The following HHAT variants were observed in gnomAD, a reference collection of about 807,000 sequenced individuals.
HHAT encodes the protein protein-cysteine N-palmitoyltransferase HHAT.
A neutral mutation model predicts 70.8 loss-of-function variants in HHAT; 47 were observed. The ratio of observed to expected loss-of-function variants is 0.66; its 90% confidence interval spans 0.53 to 0.85. HHAT has a LOEUF of 0.85. HHAT is among the 40% of genes least tolerant of loss of function. HHAT has a pLI of 0.00. For missense variants in HHAT, 609 were observed against 604.8 expected (o/e 1.01, Z -0.07); for synonymous variants, 228 against 247.6 (o/e 0.92, Z 0.74).
At chr1:210,637,679 T>G (rs6677607) in intron 11 of HHAT, among the ~76,000 whole-genome samples, 39,910 of 151,800 alleles carry the variant, frequency 0.26, 5,374 homozygotes, top group Admixed American at 0.3. Context: ...GGCCAACATG[T>G]TGAAACCCCG....
chr1:210,409,095 G>T (rs1188135751), intron 6 of HHAT, among the ~76,000 whole-genome samples: 2 of 152,006 alleles, frequency 1.3e-5, no homozygotes, highest in African/African-American at 2.4e-5. Flanking sequence ...CAAACTCCTG[G>T]CCTCAAGTGA....
At chr1:210,657,803 T>G (rs925600999) in intron 11 of HHAT, among the ~76,000 whole-genome samples, 5 of 152,130 alleles carry the variant, frequency 3.3e-5, no homozygotes, top group African/African-American at 1.2e-4. Context: ...TCCAGGTGTT[T>G]AGGGCCAGTG....
upstream of HHAT, chr1:210,328,115 A>C (rs2084691062): frequency 6.6e-6 from 1 of 152,136 alleles, no homozygotes; most frequent in South Asian, 2.1e-4. Context: ...CCTTCACCTT[A>C]TCATAGAACC....
rs1041037884 is a variant in HHAT, at chr1:210,588,209, A to G, written c.1245+110A>G. ...GCCCCCACTATGGGCCCTTTCTACT[A>G]GGTTGGTTCAAAGTCCATATGCCTA... On this transcript the variant is annotated intron_variant, in intron 10 of 11. Transcript: ENST00000261458. 18 of 952,982 alleles carry G rather than the reference A, an allele frequency of 1.9e-5. 1 individual carries two copies. The highest frequency in any genetic ancestry group is 4.9e-5 in the African/African-American group (3 of 61,164). The allele number at this position is 952,982 out of a possible 1,614,324, so 59.0% of individuals were successfully genotyped here.
Position 210,329,571 on chromosome 1 carries a change from G to C in HHAT, c.-44+467G>C, listed in dbSNP as rs902460464. 4.0e-6 allele frequency: 3 copies of C among 752,976 alleles called. No individual in the cohort carries two copies. In the African/African-American group the frequency reaches 5.7e-5, roughly 14 times the overall value. 46.6% of individuals were successfully genotyped at this position (752,976 alleles called of 1,614,324 possible). ...ACCTTCAGGTGGCAGGTCTTTATGC[G>C]GAAAAACCCTCCCGCTAATCCTCAC... On this transcript the variant is annotated intron_variant, in intron 1 of 11. Coordinates refer to ENST00000261458, the MANE Select transcript of HHAT (RefSeq NM_018194.6).
At chr1:210,549,956 A>G (rs1558142491) in intron 9 of HHAT, among the ~76,000 whole-genome samples, 1 of 149,268 alleles carries the variant, frequency 6.7e-6, no homozygotes. Flanking sequence ...GGACACATGT[A>G]CCAAGGGCTC....
At chr1:210,630,744 G>A (rs1670698895) in intron 11 of HHAT, among the ~76,000 whole-genome samples, 1 of 152,182 alleles carries the variant, frequency 6.6e-6, no homozygotes, top group Admixed American at 6.5e-5. Context: ...CCATCTCCCT[G>A]TGTGATACAA....
chr1:210,534,809 G>A (rs2095353581), intron 9 of HHAT, among the ~76,000 whole-genome samples: 1 of 152,184 alleles, frequency 6.6e-6, no homozygotes, highest in Non-Finnish European at 1.5e-5. Context: ...TGGATTTTCT[G>A]TAATAGAATT....
intron 3 of HHAT, chr1:210,374,251 T>TG (rs2089965806): frequency 7.2e-6 from 1 of 138,348 alleles, no homozygotes; most frequent in African/African-American, 2.9e-5. Context: ...TTATTCGATC[T>TG]GAAGAGAAAC....
At chr1:210,424,194 A>G (rs957397321) in intron 7 of HHAT, among the ~76,000 whole-genome samples, 1 of 151,934 alleles carries the variant, frequency 6.6e-6, no homozygotes, top group Non-Finnish European at 1.5e-5. Context: ...ATTTCTTTGT[A>G]TCCTCTTCAG....
In HHAT at chr1:210,363,847, G is replaced by C. The variant is rs896338199; in HGVS notation, c.159+928G>C. ...AATCAGCCTTTTGTGGGCTGGCTTG[G>C]GACATAAAAGACACCTTGCATTCCA... On this transcript the variant is annotated intron_variant, in intron 3 of 11. Transcript: ENST00000261458. 2.6e-5 allele frequency among the ~76,000 whole-genome samples: 4 copies of C among 152,214 alleles called. No individual in the cohort carries two copies. In the South Asian group the frequency reaches 6.2e-4, roughly 24 times the overall value.
intron 6 of HHAT, among the ~76,000 whole-genome samples, chr1:210,414,827 G>C (rs185899855): frequency 2.0e-3 from 303 of 152,232 alleles, no homozygotes; most frequent in African/African-American, 6.7e-3. Flanking sequence ...AGACTAGCCT[G>C]GCCAATGTGG....
chr1:210,417,751 G>T (rs2092766981), intron 6 of HHAT, among the ~76,000 whole-genome samples: 1 of 152,066 alleles, frequency 6.6e-6, no homozygotes, highest in Non-Finnish European at 1.5e-5. Flanking sequence ...GCTTTTGCCA[G>T]CCTCAGACAT....
chr1:210,638,869 C>T (rs1672441473), intron 11 of HHAT, among the ~76,000 whole-genome samples: 2 of 152,058 alleles, frequency 1.3e-5, no homozygotes, highest in South Asian at 4.1e-4. Flanking sequence ...CACACCACTG[C>T]ACCCCAGCCT....
chr1:210,560,973 C>G (rs940682541), intron 9 of HHAT, among the ~76,000 whole-genome samples: 1 of 151,738 alleles, frequency 6.6e-6, no homozygotes, highest in South Asian at 2.1e-4. Context: ...AGCTAATGAT[C>G]ACTGAGGCCA....
intron 9 of HHAT, among the ~76,000 whole-genome samples, chr1:210,558,381 G>C (rs1351325693): frequency 1.3e-5 from 2 of 152,182 alleles, no homozygotes; most frequent in Non-Finnish European, 2.9e-5. Flanking sequence ...GGTAAGAGGG[G>C]CACCCTGTGC....
intron 1 of HHAT, among the ~76,000 whole-genome samples, chr1:210,341,805 T>C (rs1319199038): frequency 6.6e-6 from 1 of 152,198 alleles, no homozygotes; most frequent in African/African-American, 2.4e-5. Flanking sequence ...CAGATAAATA[T>C]ATTTTTTGAA....
intron 9 of HHAT, among the ~76,000 whole-genome samples, chr1:210,566,774 C>T (rs1456101021): frequency 6.6e-6 from 1 of 152,182 alleles, no homozygotes; most frequent in Non-Finnish European, 1.5e-5. Context: ...AGTAAAACCC[C>T]TGCATTCATC....
chr1:210,355,256 T>G (rs1048945605), intron 2 of HHAT, among the ~76,000 whole-genome samples: 8 of 152,232 alleles, frequency 5.3e-5, no homozygotes, highest in Non-Finnish European at 1.0e-4. Context: ...CAGATAATGA[T>G]AGTAGTTTTG....
Sources: allele counts gnomAD v4.1 joint callset (sites outside exome capture counted in the v4.1 genomes callset), GRCh38; gene constraint gnomAD v4.1.1; transcripts MANE v1.5; gene names NCBI Gene and HGNC (gene_info 2026-07-23, HGNC 2026-07-21).